Variants in ITSN2 observed in about 807,000 individuals in gnomAD.
The protein encoded by ITSN2 is intersectin 2, also known as intersectin-2.
Under a neutral mutation model 243.7 loss-of-function variants are expected in ITSN2, and 156 were observed. The observed-to-expected ratio is 0.64, with a 90% CI of 0.56 to 0.73. The LOEUF is 0.73. ITSN2 is among the 30% of genes least tolerant of loss of function. The pLI, the probability that ITSN2 is intolerant of heterozygous loss-of-function variation, is 0.00. For synonymous variants in ITSN2, 703 were observed against 699.9 expected (o/e 1.00, Z -0.07); for missense variants, 1,801 against 1,996.1 (o/e 0.90, Z 1.86).
intron 37 of ITSN2, chr2:24,205,798 ATACT>A (rs375776483): frequency 1.5e-3 from 254 of 167,398 alleles, no homozygotes; most frequent in African/African-American, 5.1e-3. Flanking sequence ...CATTTACTGG[ATACT>A]TACTTTGTGT....
At chr2:24,359,519 G>C (rs1455927450) in intron 1 of ITSN2, among the ~76,000 whole-genome samples, 1 of 152,160 alleles carries the variant, frequency 6.6e-6, no homozygotes, top group Non-Finnish European at 1.5e-5. Context: ...TAATTCTAGA[G>C]CGACAAGGCG....
intron 30 of ITSN2, among the ~76,000 whole-genome samples, chr2:24,219,786 C>G (rs182528151): frequency 1.4e-4 from 21 of 152,334 alleles, no homozygotes; most frequent in Middle Eastern, 6.8e-3. Context: ...GGACTGGAAT[C>G]TGACCAGCAG....
At chr2:24,333,734 C>T (rs1339008228) in intron 1 of ITSN2, among the ~76,000 whole-genome samples, 5 of 152,044 alleles carry the variant, frequency 3.3e-5, no homozygotes, top group Non-Finnish European at 1.5e-5. Context: ...GCCAAACGTA[C>T]TTTAGACAAT....
intron 1 of ITSN2, among the ~76,000 whole-genome samples, chr2:24,357,710 G>A (rs1017488569): frequency 7.9e-5 from 12 of 151,908 alleles, no homozygotes; most frequent in African/African-American, 2.9e-4. Context: ...TCCAAAAAAA[G>A]AAAAAGAAAA....
In ITSN2 at chr2:24,245,866, G is replaced by A. The variant is rs990651818; in HGVS notation, c.3577+263C>T. On this transcript the variant is annotated intron_variant, in intron 29 of 39. Transcript: ENST00000355123. ...AAAAGAAGCTGCAGTATAGATGGCA[G>A]TCATACCAAAGAACTCATAGGAAAA... Among the ~76,000 whole-genome samples the A allele has an allele frequency of 2.6e-5, 4 of 152,174 alleles. No individual in the cohort carries two copies. The South Asian group carries it at 8.3e-4, about 31-fold the overall frequency.
chr2:24,306,042 T>C (rs929504118), intron 8 of ITSN2, among the ~76,000 whole-genome samples: 1 of 152,090 alleles, frequency 6.6e-6, no homozygotes, highest in Admixed American at 6.5e-5. Flanking sequence ...TGCAGTGGCA[T>C]GATCTCAGCT....
intron 20 of ITSN2, among the ~76,000 whole-genome samples, chr2:24,265,464 C>T (rs369053798): frequency 7.2e-5 from 11 of 152,278 alleles, no homozygotes; most frequent in African/African-American, 2.4e-4. Context: ...CCTTGCTAAA[C>T]TCATTTAAAT....
At chr2:24,252,606 T>G (rs1674491290) in intron 24 of ITSN2, 95 bp from the exon 25 acceptor site, 3 of 867,428 alleles carry the variant, frequency 3.5e-6, no homozygotes, top group Non-Finnish European at 5.0e-6. Context: ...TGTATAAGTT[T>G]GCTGTAAAAG....
intron 25 of ITSN2, among the ~76,000 whole-genome samples, chr2:24,251,746 T>C (rs993072619): frequency 2.6e-5 from 4 of 151,332 alleles, no homozygotes; most frequent in African/African-American, 7.3e-5. Flanking sequence ...TATGTTACCA[T>C]GTAATGGATT....
chr2:24,334,725 G>A lies in ITSN2; in HGVS notation c.-33-6610C>T, dbSNP rs540009601. 3.8e-5 allele frequency: 61 copies of A among 1,586,452 alleles called. No individual in the cohort carries two copies. In the East Asian group the frequency reaches 1.3e-3, roughly 34 times the overall value. ...AAGAAGATTGTGCTAAGGCTTGAGT[G>A]CGTTGAGCCCAACTGCAGATCTAAG... On this transcript the variant is annotated intron_variant, in intron 1 of 39. Transcript: ENST00000355123.
At chr2:24,215,356 A>G (rs1669855620) in intron 32 of ITSN2, among the ~76,000 whole-genome samples, 1 of 152,082 alleles carries the variant, frequency 6.6e-6, no homozygotes, top group South Asian at 2.1e-4. Context: ...ATCTTGTTGC[A>G]TTTTATATAT....
intron 29 of ITSN2, among the ~76,000 whole-genome samples, chr2:24,230,764 A>G (rs1671509400): frequency 6.6e-6 from 1 of 152,144 alleles, no homozygotes. Flanking sequence ...GTGAAACTCC[A>G]TCTCAAAAAA....
chr2:24,235,525 T>C (rs901835889), intron 29 of ITSN2, among the ~76,000 whole-genome samples: 3 of 152,134 alleles, frequency 2.0e-5, no homozygotes. Flanking sequence ...GTAACAAATG[T>C]ACTGCTCTGG....
intron 37 of ITSN2, chr2:24,206,402 G>A (rs1032463231): frequency 2.3e-5 from 6 of 259,998 alleles, no homozygotes; most frequent in East Asian, 1.5e-4. Flanking sequence ...GGGGGCCGGC[G>A]GGGAGGAAGG....
chr2:24,261,052 T>C, intron 22 of ITSN2, 54 bp downstream of exon 22: 1 of 1,522,584 alleles, frequency 6.6e-7, no homozygotes, highest in South Asian at 1.2e-5. Flanking sequence ...TCATTCTATT[T>C]TAATCAGGAG....
At chr2:24,316,004 AG>A (rs1422283663) in intron 2 of ITSN2, among the ~76,000 whole-genome samples, 1 of 152,212 alleles carries the variant, frequency 6.6e-6, no homozygotes, top group Admixed American at 6.5e-5. Flanking sequence ...ATAACAGGAA[AG>A]GTAACACTGA....
At chr2:24,323,960 T>C (rs1173403064) in intron 2 of ITSN2, among the ~76,000 whole-genome samples, 3 of 152,168 alleles carry the variant, frequency 2.0e-5, no homozygotes, top group Non-Finnish European at 2.9e-5. Flanking sequence ...CGGCCAGGCA[T>C]GGTGGCTCAC....
intron 15 of ITSN2, among the ~76,000 whole-genome samples, chr2:24,288,672 GAA>G (rs1679848078): frequency 6.6e-6 from 1 of 152,060 alleles, no homozygotes; most frequent in South Asian, 2.1e-4. Flanking sequence ...TTTTTGTGGT[GAA>G]AACACTTAAA....
At chr2:24,303,888 G>C (rs754489290) in intron 8 of ITSN2, 26 bp from the exon 9 acceptor site, 7 of 1,485,196 alleles carry the variant, frequency 4.7e-6, no homozygotes, top group Non-Finnish European at 5.6e-6. Context: ...AAATCATAAA[G>C]GAATTCTTTA....
Sources: gnomAD v4.1 joint callset for allele counts (sites outside exome capture counted in the v4.1 genomes callset) on GRCh38, gnomAD v4.1.1 for gene constraint, MANE v1.5 for transcripts, NCBI Gene and HGNC (gene_info 2026-07-23, HGNC 2026-07-21) for gene names.